SERGEF: variants seen among roughly 807,000 people sequenced by gnomAD.
SERGEF encodes the protein secretion-regulating guanine nucleotide exchange factor.
SERGEF carries 51 observed loss-of-function variants against 50.0 expected under a neutral mutation model. That is an observed-to-expected ratio of 1.02 (90% CI 0.81 to 1.29). The LOEUF (loss-of-function observed/expected upper bound fraction) is 1.29, where lower values mean the gene tolerates loss of function less well. SERGEF is among the 50% of genes most tolerant of loss of function. The probability of loss-of-function intolerance (pLI) is 0.00; values close to 1 mark genes in which losing one functional copy is unlikely to be tolerated. For missense variants in SERGEF, 521 were observed against 557.0 expected, an observed-to-expected ratio of 0.94 and a Z score of 0.65; for synonymous variants, 205 against 212.4, an observed-to-expected ratio of 0.97 and a Z score of 0.30.
intron 1 of SERGEF, among the ~76,000 whole-genome samples, chr11:18,011,749 C>T (rs1478796286): frequency 6.6e-6 from 1 of 152,164 alleles, no homozygotes; most frequent in Non-Finnish European, 1.5e-5. Context: ...TCCACACAGA[C>T]GCCAGTCTCC....
Position 17,926,882 on chromosome 11 carries a change from A to G in SERGEF, c.1011+32588T>C, listed in dbSNP as rs1274490937. 3 of 456,038 alleles carry G rather than the reference A, an allele frequency of 6.6e-6. No individual in the cohort carries two copies. In the Admixed American group the frequency reaches 7.0e-5, roughly 11 times the overall value. The allele number at this position is 456,038 out of a possible 1,614,324, so 28.2% of individuals were successfully genotyped here. Reference sequence around the variant, plus strand: ...ATGGGCACACAACAAATATTTATAGAATGAAAAGGTTACCCACTGGTCTAG... The same window carrying G: ...ATGGGCACACAACAAATATTTATAGGATGAAAAGGTTACCCACTGGTCTAG... On this transcript the variant is annotated intron_variant, in intron 9 of 10. Coordinates refer to ENST00000265965, the MANE Select transcript of SERGEF (RefSeq NM_012139.4).
intron 10 of SERGEF, among the ~76,000 whole-genome samples, chr11:17,867,125 G>A (rs1287475806): frequency 6.6e-6 from 1 of 152,144 alleles, no homozygotes; most frequent in Non-Finnish European, 1.5e-5. Context: ...TCTTAACAGT[G>A]TCCTAAAGTC....
intron 10 of SERGEF, among the ~76,000 whole-genome samples, chr11:17,864,412 A>G (rs1214579339): frequency 6.6e-6 from 1 of 152,188 alleles, no homozygotes; most frequent in Non-Finnish European, 1.5e-5. Context: ...ATCCACCTTG[A>G]TTGAGAGGTA....
chr11:17,814,050 G>A (rs1359534636), intron 10 of SERGEF, among the ~76,000 whole-genome samples: 1 of 152,172 alleles, frequency 6.6e-6, no homozygotes, highest in East Asian at 1.9e-4. Flanking sequence ...CCTCAGCAAT[G>A]ACTTTAAAAA....
At chr11:17,847,705 T>G (rs1440901893) in intron 10 of SERGEF, among the ~76,000 whole-genome samples, 1 of 152,092 alleles carries the variant, frequency 6.6e-6, no homozygotes, top group Non-Finnish European at 1.5e-5. Context: ...AATCAAAGAA[T>G]TAGGAAGATT....
chr11:18,007,088 GCA>G (rs767102053), intron 2 of SERGEF, among the ~76,000 whole-genome samples: 31 of 152,152 alleles, frequency 2.0e-4, no homozygotes, highest in Non-Finnish European at 2.6e-4. Context: ...TATCCTTTAG[GCA>G]CAGTGTCTAG....
intron 9 of SERGEF, among the ~76,000 whole-genome samples, chr11:17,900,607 C>T (rs980466072): frequency 6.6e-6 from 1 of 152,068 alleles, no homozygotes; most frequent in Admixed American, 6.5e-5. Context: ...GTGACCCTAC[C>T]TAGGGGATTA....
intron 10 of SERGEF, among the ~76,000 whole-genome samples, chr11:17,861,840 G>A (rs1850932401): frequency 6.6e-6 from 1 of 152,192 alleles, no homozygotes; most frequent in Non-Finnish European, 1.5e-5. Context: ...CCAATAGGTC[G>A]GTAGCATCTT....
At chr11:18,002,177 A>C (rs1853977126) in intron 4 of SERGEF, 1 of 367,710 alleles carries the variant, frequency 2.7e-6, no homozygotes, top group African/African-American at 2.1e-5. Context: ...AACTAACTGA[A>C]GGGCTTTACA....
At chr11:17,912,869 A>G (rs1267184272) in intron 9 of SERGEF, among the ~76,000 whole-genome samples, 1 of 152,214 alleles carries the variant, frequency 6.6e-6, no homozygotes, top group Non-Finnish European at 1.5e-5. Flanking sequence ...AGAATAAGCT[A>G]CTTTACCCTA....
chr11:17,788,331 C>T lies in SERGEF; in HGVS notation c.1131G>A (p.Pro377=), dbSNP rs373213978. Residue 377 remains proline (P), a synonymous_variant, in exon 11 of 11, where the codon CCG becomes CCA. Coordinates refer to ENST00000265965, the MANE Select transcript of SERGEF (RefSeq NM_012139.4). ...CTGACGATGACAGCAGAGCCTGCAC[C>T]GGCTTTGGGGCCCAGACGTTGGCTT... ...GTEANVWAPK[P]VQALLSSSGL... is the part of the protein sequence containing the mutation. 2.1e-5 allele frequency: 34 copies of T among 1,614,074 alleles called. No individual in the cohort carries two copies. The highest frequency in any genetic ancestry group is 1.6e-4 in the Middle Eastern group (1 of 6,084).
intron 8 of SERGEF, among the ~76,000 whole-genome samples, chr11:17,980,408 G>A (rs549492156): frequency 3.3e-5 from 5 of 152,294 alleles, no homozygotes; most frequent in Non-Finnish European, 7.4e-5. Context: ...ATATACATGG[G>A]AATAGATGGC....
intron 9 of SERGEF, among the ~76,000 whole-genome samples, chr11:17,892,547 A>T (rs1851550837): frequency 6.6e-6 from 1 of 152,188 alleles, no homozygotes; most frequent in Non-Finnish European, 1.5e-5. Context: ...CACATGAACA[A>T]ATAACTGTTT....
At chr11:17,927,401 C>T (rs951472798) in intron 9 of SERGEF, among the ~76,000 whole-genome samples, 3 of 152,156 alleles carry the variant, frequency 2.0e-5, no homozygotes, top group Non-Finnish European at 2.9e-5. Context: ...CCAACATACC[C>T]GATTTTGGTT....
intron 10 of SERGEF, among the ~76,000 whole-genome samples, chr11:17,832,370 C>T (rs888850445): frequency 5.9e-5 from 9 of 152,186 alleles, no homozygotes; most frequent in Admixed American, 1.3e-4. Context: ...CCTTGCCTTC[C>T]GCCATGATTG....
intron 9 of SERGEF, among the ~76,000 whole-genome samples, chr11:17,936,863 C>T (rs938283764): frequency 1.9e-4 from 29 of 152,142 alleles, no homozygotes; most frequent in Non-Finnish European, 3.4e-4. Context: ...ATAATTCTTG[C>T]CATCCTAAAT....
chr11:17,895,019 CCAA>C (rs1170017390), intron 9 of SERGEF, among the ~76,000 whole-genome samples: 8 of 152,136 alleles, frequency 5.3e-5, no homozygotes, highest in Non-Finnish European at 1.0e-4. Flanking sequence ...CATTCTATCC[CCAA>C]CAACAACAAC....
intron 8 of SERGEF, among the ~76,000 whole-genome samples, chr11:17,965,144 G>T (rs945575626): frequency 6.6e-6 from 1 of 152,196 alleles, no homozygotes; most frequent in African/African-American, 2.4e-5. Flanking sequence ...CTGGTGGGAG[G>T]TAATTGAATC....
At chr11:17,828,690 AC>A (rs1459083031) in intron 10 of SERGEF, among the ~76,000 whole-genome samples, 3 of 152,212 alleles carry the variant, frequency 2.0e-5, no homozygotes, top group African/African-American at 7.2e-5. Flanking sequence ...GTGGGCAGCC[AC>A]CCAACCTGAT....
Sources: gnomAD v4.1 joint callset for allele counts (sites outside exome capture counted in the v4.1 genomes callset) on GRCh38, gnomAD v4.1.1 for gene constraint, MANE v1.5 for transcripts, NCBI Gene and HGNC (gene_info 2026-07-23, HGNC 2026-07-21) for gene names.